MAPKAPK2: variants seen among roughly 807,000 people sequenced by gnomAD.
MAPKAPK2 encodes the protein MAPK activated protein kinase 2, also known as MAP kinase-activated protein kinase 2.
In MAPKAPK2, 9 loss-of-function variants were observed where a neutral mutation model predicts 48.8. The observed-to-expected ratio is 0.18, with a 90% CI of 0.11 to 0.32. MAPKAPK2 has a LOEUF of 0.32. Ranked by LOEUF, MAPKAPK2 falls within the 10% of genes least tolerant of loss-of-function variation. The pLI, the probability that MAPKAPK2 is intolerant of heterozygous loss-of-function variation, is 1.00. For synonymous variants in MAPKAPK2, 202 were observed against 190.6 expected (o/e 1.06, Z -0.49); for missense variants, 331 against 498.3 (o/e 0.66, Z 3.20).
At position 206,732,413 on chromosome 1, in the gene MAPKAPK2, G is replaced by A. The variant is rs1490520636; in HGVS notation, c.1060-162G>A. 12 of 1,459,996 alleles carry A rather than the reference G, an allele frequency of 8.2e-6. No homozygotes were observed. The African/African-American group carries it at 1.7e-4, about 21-fold the overall frequency. The allele number at this position is 1,459,996 out of a possible 1,614,324, so 90.4% of individuals were successfully genotyped here. ...CCAGCGCTGGGGTGAGGCTGCCGTT[G>A]TCAGCGTGGACCACTAACCAGCCCG... On this transcript the variant is annotated intron_variant, in intron 9 of 9. Transcript: ENST00000367103. This position sits in a 1 kb window ranked among gnomAD's most constrained non-coding sequence, Gnocchi z 4.4.
At chr1:206,730,208 C>A in intron 5 of MAPKAPK2, 110 bp downstream of exon 5, 1 of 1,335,308 alleles carries the variant, frequency 7.5e-7, no homozygotes, top group Non-Finnish European at 1.0e-6. Flanking sequence ...GTCTGTATGG[C>A]CCCTTCTGGT....
At chr1:206,718,560 T>C (rs1439974852) in intron 1 of MAPKAPK2, among the ~76,000 whole-genome samples, 7 of 149,038 alleles carry the variant, frequency 4.7e-5, no homozygotes, top group African/African-American at 1.5e-4. Flanking sequence ...AAAAATAGGA[T>C]GTTAAAGATA....
At chr1:206,728,597 G>A in intron 1 of MAPKAPK2, 113 bp from the exon 2 acceptor site, 2 of 1,226,250 alleles carry the variant, frequency 1.6e-6, no homozygotes, top group African/African-American at 1.5e-5. Context: ...GGGGGGGCCA[G>A]CAGGAGTGGG....
rs1553432826 is a variant in MAPKAPK2, at chr1:206,732,125, G to A, written c.1059+206G>A. On this transcript the variant is annotated intron_variant, in intron 9 of 9. Transcript: ENST00000367103. The surrounding 1 kb of genome is among the most constrained non-coding windows in gnomAD (Gnocchi z 4.4). ...TTCTGTGTTCCTGTCCAAACTCAGT[G>A]CTGTTTCTTAGAATCCTTTTATTCC... 2 of 1,614,140 alleles carry A rather than the reference G, an allele frequency of 1.2e-6. No individual in the cohort carries two copies. Among genetic ancestry groups the A allele is most frequent in the Admixed American group, 3.3e-5 (2 of 60,022 alleles).
intron 1 of MAPKAPK2, among the ~76,000 whole-genome samples, chr1:206,722,436 A>G (rs868992183): frequency 1.3e-5 from 2 of 152,230 alleles, no homozygotes; most frequent in East Asian, 1.9e-4. Flanking sequence ...CTATTAAATA[A>G]TAGCCTACTG....
intron 1 of MAPKAPK2, among the ~76,000 whole-genome samples, chr1:206,724,559 T>TTG: frequency 6.6e-6 from 1 of 152,080 alleles, no homozygotes; most frequent in Non-Finnish European, 1.5e-5. Flanking sequence ...CTTTTTTTTT[T>TTG]TTTTTTTGTT....
chr1:206,689,603 A>G (rs1461677454), intron 1 of MAPKAPK2, among the ~76,000 whole-genome samples: 2 of 152,228 alleles, frequency 1.3e-5, no homozygotes. Flanking sequence ...TGGAGGATAC[A>G]CATGTAAAAA....
rs782603179 is a variant in MAPKAPK2, at chr1:206,731,811, C to T, written c.979-28C>T. On this transcript the variant is annotated intron_variant, in intron 8 of 9. Transcript: ENST00000367103. The surrounding 1 kb of genome is among the most constrained non-coding windows in gnomAD (Gnocchi z 5.9). The stretch of plus-strand genomic sequence containing the variant: ...TAGCCAGGACCCTACCCCAGGCTTT[C>T]ACTCGGACCCCTTTTCTCTCTTCTC... 6.3e-5 allele frequency: 102 copies of T among 1,613,024 alleles called. No homozygotes were observed. The highest frequency in any genetic ancestry group is 8.6e-5 in the Non-Finnish European group (101 of 1,179,112).
At chr1:206,725,106 C>T (rs999424125) in intron 1 of MAPKAPK2, among the ~76,000 whole-genome samples, 7 of 152,242 alleles carry the variant, frequency 4.6e-5, no homozygotes, top group African/African-American at 1.4e-4. Flanking sequence ...TCCGTCTCCT[C>T]TAATGGGTAG....
chr1:206,707,276 A>G (rs1359528864), intron 1 of MAPKAPK2, among the ~76,000 whole-genome samples: 3 of 151,874 alleles, frequency 2.0e-5, no homozygotes, highest in Non-Finnish European at 4.4e-5. Context: ...GCCCCCACTA[A>G]GTAGTCTGTT....
chr1:206,685,781 C>A (rs1672270708), intron 1 of MAPKAPK2, among the ~76,000 whole-genome samples: 1 of 151,778 alleles, frequency 6.6e-6, no homozygotes, highest in Admixed American at 6.6e-5. Flanking sequence ...GGGGTTTGAG[C>A]GGGATCCAGC....
chr1:206,695,275 C>G (rs1553426825), intron 1 of MAPKAPK2, among the ~76,000 whole-genome samples: 2 of 152,086 alleles, frequency 1.3e-5, no homozygotes, highest in African/African-American at 4.8e-5. Context: ...CTCTGAGAAC[C>G]CTCAGCTATG....
Position 206,704,657 on chromosome 1 carries a change from G to T in MAPKAPK2, c.279+19149G>T, listed in dbSNP as rs1451369254. 1.3e-5 allele frequency among the ~76,000 whole-genome samples: 2 copies of T among 152,174 alleles called. No individual in the cohort carries two copies. Among genetic ancestry groups the T allele is most frequent in the African/African-American group, 4.8e-5 (2 of 41,446 alleles). ...AAGGTTGACTTGAGGGTGTGCATGGGTTCAGTCCCTTTTATGAAGTCTAAT... is the reference window on the plus strand; with the variant it reads ...AAGGTTGACTTGAGGGTGTGCATGGTTTCAGTCCCTTTTATGAAGTCTAAT... On this transcript the variant is annotated intron_variant, in intron 1 of 9. Transcript: ENST00000367103. This position sits in a 1 kb window ranked among gnomAD's most constrained non-coding sequence, Gnocchi z 4.3.
chr1:206,686,354 C>G (rs782275652), intron 1 of MAPKAPK2, among the ~76,000 whole-genome samples: 35 of 152,228 alleles, frequency 2.3e-4, no homozygotes, highest in Admixed American at 3.9e-4. Context: ...GGGAGCCCAT[C>G]CCTTTTCTTT....
chr1:206,730,224 T>TCCCAGCAGAA, intron 5 of MAPKAPK2, 126 bp downstream of exon 5: 1 of 1,181,320 alleles, frequency 8.5e-7, no homozygotes, highest in Non-Finnish European at 1.2e-6. Flanking sequence ...CTGGTGCTGG[T>TCCCAGCAGAA]TCTGCTGGGA....
chr1:206,685,490 G>T lies in MAPKAPK2; in HGVS notation c.261G>T (p.Gln87His). The T allele has an allele frequency of 6.5e-7, 1 of 1,534,082 alleles. No homozygotes were observed. The highest frequency in any genetic ancestry group is 2.7e-5 in the East Asian group (1 of 36,400). The change falls in exon 1 of 10, where the codon CAG (glutamine) becomes CAT (histidine). Residue 87 changes from glutamine (Q) to histidine (H), a missense_variant. By Grantham distance (24) the Gln-to-His change is conservative (BLOSUM62 0). Coordinates refer to ENST00000367103, the MANE Select transcript of MAPKAPK2 (RefSeq NM_032960.4). ...KVLQIFNKRT[Q>H]EKFALKMLQD... is the part of the protein sequence containing the mutation. ...TGCAGATCTTCAACAAGAGGACCCA[G>T]GAGAAATTCGCCCTCAAAGTAGGTC... is the stretch of plus-strand genomic sequence containing the variant.
chr1:206,692,212 G>T (rs1672483934), intron 1 of MAPKAPK2, among the ~76,000 whole-genome samples: 1 of 116,788 alleles, frequency 8.6e-6, no homozygotes, highest in South Asian at 2.9e-4. Context: ...TTTGTGTGTG[G>T]CTGGGTTCTT....
At chr1:206,721,355 T>C (rs1553431192) in intron 1 of MAPKAPK2, among the ~76,000 whole-genome samples, 1 of 152,226 alleles carries the variant, frequency 6.6e-6, no homozygotes, top group African/African-American at 2.4e-5. Flanking sequence ...CAGTCTCAGG[T>C]ATTTCTTAAT....
At chr1:206,720,967 A>G (rs1377470552) in intron 1 of MAPKAPK2, among the ~76,000 whole-genome samples, 2 of 152,000 alleles carry the variant, frequency 1.3e-5, no homozygotes, top group South Asian at 2.1e-4. Context: ...ACATAAAACA[A>G]CCTCTGTTAC....
Sources: gnomAD v4.1 joint callset for allele counts (sites outside exome capture counted in the v4.1 genomes callset) on GRCh38, gnomAD v4.1.1 for gene constraint, Gnocchi (gnomAD v3.1) non-coding constraint, MANE v1.5 for transcripts, NCBI Gene and HGNC (gene_info 2026-07-23, HGNC 2026-07-21) for gene names.